Variants in GABRG3 observed in about 807,000 individuals in gnomAD.
GABRG3 encodes the protein gamma-aminobutyric acid type A receptor subunit gamma3, also known as gamma-aminobutyric acid receptor subunit gamma-3.
Under a neutral mutation model 48.8 loss-of-function variants are expected in GABRG3, and 25 were observed. The ratio of observed to expected loss-of-function variants is 0.51; its 90% CI spans 0.37 to 0.72. GABRG3 has a LOEUF of 0.72. GABRG3 is among the 30% of genes least tolerant of loss of function. The probability of loss-of-function intolerance (pLI) is 0.00; values close to 1 mark genes in which losing one functional copy is unlikely to be tolerated. For missense variants in GABRG3, 394 were observed against 577.9 expected (o/e 0.68, Z 3.26); for synonymous variants, 227 against 217.6 (o/e 1.04, Z -0.38).
At chr15:27,497,913 G>A (rs1890526417) in intron 6 of GABRG3, among the ~76,000 whole-genome samples, 1 of 152,126 alleles carries the variant, frequency 6.6e-6, no homozygotes, top group Non-Finnish European at 1.5e-5. Flanking sequence ...TTCTGACAAA[G>A]GTAATCATCT....
At chr15:27,227,688 A>G (rs1357112397) in intron 3 of GABRG3, among the ~76,000 whole-genome samples, 1 of 149,480 alleles carries the variant, frequency 6.7e-6, no homozygotes, top group Non-Finnish European at 1.5e-5. Context: ...ATTTCTAAAG[A>G]AAAAAAAAAG....
chr15:27,073,798 C>T (rs1190335810), intron 3 of GABRG3, among the ~76,000 whole-genome samples: 1 of 152,154 alleles, frequency 6.6e-6, no homozygotes, highest in Non-Finnish European at 1.5e-5. Context: ...GGTGTCGGCC[C>T]TGGCTGGGTT....
At chr15:27,453,742 C>T (rs965459220) in intron 5 of GABRG3, among the ~76,000 whole-genome samples, 2 of 152,158 alleles carry the variant, frequency 1.3e-5, no homozygotes, top group African/African-American at 4.8e-5. Context: ...GCTGGGATTA[C>T]AGGCACCTGC....
chr15:27,130,481 A>AC (rs1897897758), intron 3 of GABRG3, among the ~76,000 whole-genome samples: 1 of 152,016 alleles, frequency 6.6e-6, no homozygotes. Flanking sequence ...AAACTATGAG[A>AC]CCCCCAACTT....
chr15:27,501,034 C>A (rs555481848), intron 6 of GABRG3, among the ~76,000 whole-genome samples: 1 of 146,184 alleles, frequency 6.8e-6, no homozygotes, highest in East Asian at 2.0e-4. Flanking sequence ...TCACTGCAAG[C>A]TCCGCCTCCC....
intron 3 of GABRG3, among the ~76,000 whole-genome samples, chr15:27,132,655 T>C (rs913215929): frequency 1.3e-5 from 2 of 151,424 alleles, no homozygotes; most frequent in Non-Finnish European, 3.0e-5. Flanking sequence ...TTGTAATGTC[T>C]CTTTCATCTT....
At chr15:27,255,440 CA>C in intron 3 of GABRG3, among the ~76,000 whole-genome samples, 1 of 152,292 alleles carries the variant, frequency 6.6e-6, no homozygotes, top group Non-Finnish European at 1.5e-5. Context: ...TTAGGATTCT[CA>C]GATCTTGTTT....
intron 9 of GABRG3, among the ~76,000 whole-genome samples, chr15:27,531,152 A>G (rs546747484): frequency 2.8e-4 from 42 of 152,256 alleles, no homozygotes; most frequent in Middle Eastern, 3.4e-3. Flanking sequence ...TGAGGCCCCA[A>G]TGGTAGCAGA....
chr15:27,171,829 C>A (rs190935722), intron 3 of GABRG3, among the ~76,000 whole-genome samples: 8 of 152,144 alleles, frequency 5.3e-5, no homozygotes, highest in Admixed American at 2.6e-4. Flanking sequence ...GTCTGTCTTA[C>A]CTAATTTTCT....
At chr15:27,274,374 G>A (rs149328712) in intron 3 of GABRG3, among the ~76,000 whole-genome samples, 41 of 152,286 alleles carry the variant, frequency 2.7e-4, no homozygotes, top group African/African-American at 9.6e-4. Flanking sequence ...GTATGGTCCT[G>A]GCTTTTGGCA....
intron 3 of GABRG3, among the ~76,000 whole-genome samples, chr15:27,254,223 G>A (rs891123260): frequency 2.0e-5 from 3 of 152,138 alleles, no homozygotes; most frequent in Admixed American, 6.5e-5. Context: ...TATGCCAGGT[G>A]GGGATGCAGG....
Position 27,404,504 on chromosome 15 carries a change from T to C in GABRG3, c.574+75616T>C, listed in dbSNP as rs11858189. Among the ~76,000 whole-genome samples, 448 of 152,274 alleles carry C rather than the reference T, an allele frequency of 2.9e-3. 2 individuals are homozygous for C. The highest frequency in any genetic ancestry group is 1.0e-2 in the African/African-American group (415 of 41,560). Reference sequence around the variant, plus strand: ...AGATACCCCACATAGCTCTAGAGCTTGTGCCTATGTGATCATCCTGGGGCC... The same window carrying C: ...AGATACCCCACATAGCTCTAGAGCTCGTGCCTATGTGATCATCCTGGGGCC... On this transcript the variant is annotated intron_variant, in intron 5 of 9. Transcript: ENST00000615808.
At chr15:27,125,687 G>C (rs1897807861) in intron 3 of GABRG3, among the ~76,000 whole-genome samples, 1 of 152,202 alleles carries the variant, frequency 6.6e-6, no homozygotes, top group Non-Finnish European at 1.5e-5. Context: ...TTCGATATTA[G>C]CATTAGGTGT....
At chr15:27,411,072 T>C (rs964882509) in intron 5 of GABRG3, among the ~76,000 whole-genome samples, 1 of 152,182 alleles carries the variant, frequency 6.6e-6, no homozygotes, top group Admixed American at 6.5e-5. Flanking sequence ...AGTTAGATAT[T>C]AGAGCTTTTC....
rs140691064 is a variant in GABRG3, at chr15:27,279,317, A to T, written c.271-47492A>T. 5.7e-3 allele frequency among the ~76,000 whole-genome samples: 865 copies of T among 152,268 alleles called. 5 individuals carry two copies. Among genetic ancestry groups the T allele is most frequent in the African/African-American group, 0.02 (814 of 41,568 alleles). On this transcript the variant is annotated intron_variant, in intron 3 of 9. Transcript: ENST00000615808. ...TTTTATGCATTGTGTTTTGGATTTC[A>T]TGTAGAATAGCTCTTCACCTTGCTA...
At chr15:27,136,830 C>G (rs578201916) in intron 3 of GABRG3, among the ~76,000 whole-genome samples, 1 of 152,234 alleles carries the variant, frequency 6.6e-6, no homozygotes, top group South Asian at 2.1e-4. Flanking sequence ...AGGGAGCCCA[C>G]CCTCCCCACC....
At chr15:27,164,350 G>C (rs755367864) in intron 3 of GABRG3, among the ~76,000 whole-genome samples, 11 of 152,074 alleles carry the variant, frequency 7.2e-5, no homozygotes, top group Non-Finnish European at 1.3e-4. Flanking sequence ...CTCACAATAC[G>C]GTAAATCAAA....
At chr15:27,346,200 A>T (rs1894369143) in intron 5 of GABRG3, among the ~76,000 whole-genome samples, 1 of 152,180 alleles carries the variant, frequency 6.6e-6, no homozygotes, top group South Asian at 2.1e-4. Flanking sequence ...CTGGATATTG[A>T]ATTCTAGTCT....
At chr15:26,989,819 C>T (rs1895215573) in intron 2 of GABRG3, among the ~76,000 whole-genome samples, 1 of 152,078 alleles carries the variant, frequency 6.6e-6, no homozygotes. Context: ...TCCTTCTAGT[C>T]TCTATGTCCA....
Sources: gnomAD v4.1 joint callset for allele counts (sites outside exome capture counted in the v4.1 genomes callset) on GRCh38, gnomAD v4.1.1 for gene constraint, MANE v1.5 for transcripts, NCBI Gene and HGNC (gene_info 2026-07-23, HGNC 2026-07-21) for gene names.